The following SLC24A2 variants were observed in gnomAD, a reference collection of about 807,000 sequenced individuals.
The protein encoded by SLC24A2 is sodium/potassium/calcium exchanger 2.
SLC24A2 carries 36 observed loss-of-function variants against 62.0 expected under a neutral mutation model. The ratio of observed to expected loss-of-function variants is 0.58; its 90% confidence interval spans 0.44 to 0.77. The LOEUF (loss-of-function observed/expected upper bound fraction) is 0.77, where lower values mean the gene tolerates loss of function less well. SLC24A2 is among the 30% of genes least tolerant of loss of function. The pLI is 0.00. For missense variants in SLC24A2, 846 were observed against 817.9 expected (o/e 1.03, Z -0.42); for synonymous variants, 358 against 294.0 (o/e 1.22, Z -2.23).
chr9:19,910,127 A>C, the SLC24A2 span, among the ~76,000 whole-genome samples: 7 of 152,054 alleles, frequency 4.6e-5, no homozygotes, highest in Non-Finnish European at 1.0e-4. Flanking sequence ...GCTACCATCC[A>C]ATCTTATTTC....
the SLC24A2 span, among the ~76,000 whole-genome samples, chr9:19,871,650 T>A: frequency 6.8e-4 from 104 of 152,340 alleles, 2 homozygotes; most frequent in South Asian, 8.7e-3. Context: ...ACAAGATTAG[T>A]TGTTAATTGA....
chr9:19,971,028 A>G, the SLC24A2 span, among the ~76,000 whole-genome samples: 1 of 152,302 alleles, frequency 6.6e-6, no homozygotes, highest in Middle Eastern at 3.4e-3. Flanking sequence ...GGGTTGGTCA[A>G]TGGGATACTA....
At chr9:20,230,874 A>G in the SLC24A2 span, among the ~76,000 whole-genome samples, 1 of 152,168 alleles carries the variant, frequency 6.6e-6, no homozygotes, top group African/African-American at 2.4e-5. Context: ...TAGGTCTAAC[A>G]TGTAAGTCTT....
At chr9:19,542,516 C>G (rs539643572) in intron 8 of SLC24A2, among the ~76,000 whole-genome samples, 9 of 152,240 alleles carry the variant, frequency 5.9e-5, no homozygotes, top group Non-Finnish European at 1.0e-4. Flanking sequence ...TTGTCTTGTG[C>G]CAGTTTTCAA....
At chr9:19,932,759 A>G in the SLC24A2 span, among the ~76,000 whole-genome samples, 6 of 152,212 alleles carry the variant, frequency 3.9e-5, no homozygotes, top group Non-Finnish European at 8.8e-5. Flanking sequence ...TTGAAAAAAT[A>G]TACATGTGCA....
intron 2 of SLC24A2, among the ~76,000 whole-genome samples, chr9:19,648,930 C>G (rs1414241035): frequency 6.9e-6 from 1 of 143,966 alleles, no homozygotes; most frequent in Non-Finnish European, 1.5e-5. Context: ...TTCACTCAAA[C>G]TGTCTTGGCC....
chr9:20,195,596 T>C, the SLC24A2 span, among the ~76,000 whole-genome samples: 2 of 152,294 alleles, frequency 1.3e-5, no homozygotes, highest in East Asian at 3.9e-4. Context: ...TTATCAATTA[T>C]ATGTATTGCA....
At chr9:20,223,480 T>C in the SLC24A2 span, among the ~76,000 whole-genome samples, 1 of 152,124 alleles carries the variant, frequency 6.6e-6, no homozygotes, top group African/African-American at 2.4e-5. Context: ...GAAATTTCCA[T>C]GTAATTTAAA....
At chr9:20,106,547 T>G in the SLC24A2 span, among the ~76,000 whole-genome samples, 1 of 152,080 alleles carries the variant, frequency 6.6e-6, no homozygotes, top group Non-Finnish European at 1.5e-5. Context: ...GTTCAATACA[T>G]GCAAATCAAT....
At chr9:19,598,087 G>C (rs1268561953) in intron 4 of SLC24A2, among the ~76,000 whole-genome samples, 1 of 152,226 alleles carries the variant, frequency 6.6e-6, no homozygotes, top group East Asian at 1.9e-4. Context: ...GTTGAGGGGA[G>C]AGAAGGAGTG....
the SLC24A2 span, among the ~76,000 whole-genome samples, chr9:20,147,678 T>G: frequency 6.6e-6 from 1 of 152,056 alleles, no homozygotes; most frequent in Admixed American, 6.6e-5. Flanking sequence ...AAGATCACAT[T>G]GAGGCTTCCC....
At chr9:20,229,656 A>G in the SLC24A2 span, among the ~76,000 whole-genome samples, 1 of 151,820 alleles carries the variant, frequency 6.6e-6, no homozygotes. Flanking sequence ...TCATTATACT[A>G]TTACTTTTGC....
the SLC24A2 span, among the ~76,000 whole-genome samples, chr9:20,236,775 G>T: frequency 1.3e-5 from 2 of 152,062 alleles, no homozygotes; most frequent in Non-Finnish European, 2.9e-5. Flanking sequence ...TTTCACCTGC[G>T]GCGGGTGGAA....
intron 7 of SLC24A2, among the ~76,000 whole-genome samples, chr9:19,556,688 C>G (rs72700492): frequency 0.035 from 5,391 of 152,200 alleles, 136 homozygotes; most frequent in Non-Finnish European, 0.059. Flanking sequence ...ATTGGGAAGC[C>G]TGTTCAGTGT....
chr9:19,815,981 T>A, the SLC24A2 span, among the ~76,000 whole-genome samples: 53 of 145,728 alleles, frequency 3.6e-4, no homozygotes, highest in African/African-American at 1.3e-3. Context: ...TTTTTTTTTT[T>A]ACCTTAATCA....
intron 7 of SLC24A2, among the ~76,000 whole-genome samples, chr9:19,569,384 G>C (rs1338894774): frequency 6.6e-6 from 1 of 152,122 alleles, no homozygotes; most frequent in Non-Finnish European, 1.5e-5. Context: ...CATTCTAAGA[G>C]AATTGTCTTT....
At chr9:19,553,310 T>C (rs1012614530) in intron 7 of SLC24A2, among the ~76,000 whole-genome samples, 10 of 152,190 alleles carry the variant, frequency 6.6e-5, no homozygotes, top group African/African-American at 2.4e-4. Flanking sequence ...TTCCAACTTT[T>C]CCTAGAGTTG....
chr9:19,570,280 T>TA (rs944850036), intron 7 of SLC24A2, among the ~76,000 whole-genome samples: 3 of 152,270 alleles, frequency 2.0e-5, no homozygotes, highest in African/African-American at 7.2e-5. Flanking sequence ...CTTTCCCTTT[T>TA]AAGGTTTTAC....
intron 7 of SLC24A2, among the ~76,000 whole-genome samples, chr9:19,557,379 T>A (rs1049775651): frequency 6.6e-6 from 1 of 152,166 alleles, no homozygotes; most frequent in African/African-American, 2.4e-5. Flanking sequence ...GGGGGTGTTT[T>A]ACAAAGCTTT....
Sources: allele counts gnomAD v4.1 joint callset (sites outside exome capture counted in the v4.1 genomes callset), GRCh38; gene constraint gnomAD v4.1.1; transcripts MANE v1.5; gene names NCBI Gene and HGNC (gene_info 2026-07-23, HGNC 2026-07-21).